Variants in UBXN4 observed in about 807,000 individuals in gnomAD.
UBXN4 encodes UBX domain-containing protein 4.
A neutral mutation model predicts 66.2 loss-of-function variants in UBXN4; 35 were observed. The ratio of observed to expected loss-of-function variants is 0.53; its 90% CI spans 0.40 to 0.70. UBXN4 has a LOEUF of 0.70. UBXN4 is among the 30% of genes least tolerant of loss of function. UBXN4 has a pLI of 0.00. For synonymous variants in UBXN4, 203 were observed against 204.5 expected, an observed-to-expected ratio of 0.99 and a Z score of 0.06; for missense variants, 533 against 599.8, an observed-to-expected ratio of 0.89 and a Z score of 1.16.
intron 6 of UBXN4, among the ~76,000 whole-genome samples, chr2:135,764,388 AGTCCTTC>A (rs1205453310): frequency 1.6e-4 from 24 of 152,232 alleles, no homozygotes; most frequent in Non-Finnish European, 3.4e-4. Flanking sequence ...ATAAGAACAT[AGTCCTTC>A]AATCTTGAGC....
intron 10 of UBXN4, among the ~76,000 whole-genome samples, chr2:135,778,174 CAAAAA>C (rs570595581): frequency 2.8e-5 from 2 of 72,400 alleles, no homozygotes; most frequent in African/African-American, 8.7e-5. Context: ...AAGACTGTCT[CAAAAA>C]AAAAAAAAAC....
rs144009729 is a variant in UBXN4, at chr2:135,743,107, G to A, written c.82+1096G>A. Among the ~76,000 whole-genome samples the A allele has an allele frequency of 4.6e-3, 705 of 152,164 alleles. 5 individuals carry two copies. Among genetic ancestry groups the A allele is most frequent in the African/African-American group, 0.016 (653 of 41,514 alleles). On this transcript the variant is annotated intron_variant, in intron 1 of 12. Coordinates refer to ENST00000272638, the MANE Select transcript of UBXN4 (RefSeq NM_014607.4). The stretch of plus-strand genomic sequence containing the variant: ...TCTTCAACTATTTGTGTTTAATAAC[G>A]GTTTATTCATAATTAACTCGTCTTT...
At chr2:135,761,139 C>T (rs367648542) in intron 5 of UBXN4, among the ~76,000 whole-genome samples, 67 of 152,212 alleles carry the variant, frequency 4.4e-4, no homozygotes, top group Admixed American at 1.6e-3. Flanking sequence ...AGTCCTTGTT[C>T]GCCAAAGACT....
rs1014100210 is a variant in UBXN4 at position 135,755,610 on chromosome 2, A to G, written c.427A>G (p.Thr143Ala). The change falls in exon 5 of 13, where the codon ACT becomes GCT. Residue 143 changes from threonine to alanine, a missense_variant. Thr to Ala is a moderately conservative substitution (Grantham distance 58). Coordinates refer to ENST00000272638, the MANE Select transcript of UBXN4 (RefSeq NM_014607.4). ...ATCTGCGTCATTTGAACCTAACAACACTTGTGAAAACTCTCAGTCCAGAAA... is the reference window on the plus strand; with the variant it reads ...ATCTGCGTCATTTGAACCTAACAACGCTTGTGAAAACTCTCAGTCCAGAAA... ...TPSASFEPNN[T>A]CENSQSRNAE... is the part of the protein sequence containing the mutation. The G allele has an allele frequency of 5.0e-6, 8 of 1,608,954 alleles. No homozygotes were observed. Among genetic ancestry groups the G allele is most frequent in the East Asian group, 2.2e-5 (1 of 44,582 alleles).
intron 5 of UBXN4, among the ~76,000 whole-genome samples, chr2:135,758,265 G>C (rs1575317400): frequency 6.6e-6 from 1 of 151,938 alleles, no homozygotes; most frequent in Non-Finnish European, 1.5e-5. Flanking sequence ...GTAGGGACGG[G>C]GTTTCTCCAT....
intron 8 of UBXN4, 127 bp from the exon 9 acceptor site, chr2:135,772,293 A>C: frequency 1.7e-6 from 2 of 1,150,024 alleles, no homozygotes; most frequent in Non-Finnish European, 2.4e-6. Flanking sequence ...ACTGCACTCC[A>C]GCCTTGATGA....
chr2:135,746,101 C>T (rs1399511485), intron 1 of UBXN4, among the ~76,000 whole-genome samples: 1 of 152,004 alleles, frequency 6.6e-6, no homozygotes, highest in African/African-American at 2.4e-5. Flanking sequence ...TGATCTAGAT[C>T]TCTTGACCTC....
In UBXN4 at chr2:135,784,593, T is replaced by G. The variant is rs1052453008; in HGVS notation, c.*1706T>G. The G allele has an allele frequency of 1.3e-5, 2 of 152,602 alleles. No homozygotes were observed. The highest frequency in any genetic ancestry group is 2.9e-5 in the Non-Finnish European group (2 of 68,032). 9.5% of individuals were successfully genotyped at this position (152,602 alleles called of 1,614,324 possible). On this transcript the variant is annotated 3_prime_UTR_variant, in exon 13 of 13. Transcript: ENST00000272638. ...GATATTATTTCCATAACTTAAAAAGTGAGTTTGAAAAAGAAAATCTCCAGC... is the reference window on the plus strand; with the variant it reads ...GATATTATTTCCATAACTTAAAAAGGGAGTTTGAAAAAGAAAATCTCCAGC...
At chr2:135,778,014 A>G (rs1462477230) in intron 10 of UBXN4, among the ~76,000 whole-genome samples, 1 of 151,102 alleles carries the variant, frequency 6.6e-6, no homozygotes, top group Non-Finnish European at 1.5e-5. Context: ...CGTCTCTACT[A>G]AAAATACAAA....
At position 135,783,017 on chromosome 2, in the gene UBXN4, A is replaced by G. The variant is rs2077459656; in HGVS notation, c.*130A>G. Reference sequence around the variant, plus strand: ...ATAAAATGTCTCTTTATTCCTGCTTAGTGGGTGTGGGTTGAAGGTGTTTAA... The same window carrying G: ...ATAAAATGTCTCTTTATTCCTGCTTGGTGGGTGTGGGTTGAAGGTGTTTAA... On this transcript the variant is annotated 3_prime_UTR_variant, in exon 13 of 13. Coordinates refer to ENST00000272638, the MANE Select transcript of UBXN4 (RefSeq NM_014607.4). 9 of 985,772 alleles carry G rather than the reference A, an allele frequency of 9.1e-6. No homozygotes were observed. The South Asian group carries it at 1.6e-4, about 18-fold the overall frequency. The allele number at this position is 985,772 out of a possible 1,614,324, so 61.1% of individuals were successfully genotyped here.
At chr2:135,782,133 A>C (rs752869713) in intron 12 of UBXN4, among the ~76,000 whole-genome samples, 1 of 152,184 alleles carries the variant, frequency 6.6e-6, no homozygotes, top group Non-Finnish European at 1.5e-5. Flanking sequence ...AGATTAGAGC[A>C]AAGGATGGAA....
chr2:135,776,421 C>G (rs2077415003), intron 10 of UBXN4, 70 bp downstream of exon 10: 1 of 1,367,256 alleles, frequency 7.3e-7, no homozygotes, highest in African/African-American at 1.4e-5. Context: ...GGGAAAATTT[C>G]AAAGCAGAAG....
At chr2:135,776,811 C>G (rs1300985540) in intron 10 of UBXN4, among the ~76,000 whole-genome samples, 1 of 152,188 alleles carries the variant, frequency 6.6e-6, no homozygotes, top group African/African-American at 2.4e-5. Context: ...CCGGGCTGGT[C>G]TTGAACTCCT....
chr2:135,743,619 G>GA (rs1474265885), intron 1 of UBXN4, among the ~76,000 whole-genome samples: 34 of 151,984 alleles, frequency 2.2e-4, no homozygotes, highest in African/African-American at 8.0e-4. Flanking sequence ...GTTTCTTAAG[G>GA]AAAAAACTGA....
chr2:135,765,125 T>C (rs533047711), intron 6 of UBXN4, among the ~76,000 whole-genome samples: 1 of 152,180 alleles, frequency 6.6e-6, no homozygotes, highest in African/African-American at 2.4e-5. Context: ...GGATATACAA[T>C]GTTTCACTAA....
chr2:135,778,906 C>T (rs1298093718), intron 10 of UBXN4, 42 bp from the exon 11 acceptor site: 1 of 1,553,226 alleles, frequency 6.4e-7, no homozygotes, highest in Non-Finnish European at 8.7e-7. Flanking sequence ...TAATATCTTA[C>T]TTTTAAAGGC....
In UBXN4 at chr2:135,773,057, A is replaced by T. The variant is rs1217720838; in HGVS notation, c.950+510A>T. Among the ~76,000 whole-genome samples the T allele has an allele frequency of 5.9e-5, 9 of 151,764 alleles. No homozygotes were observed. The South Asian group carries it at 1.9e-3, about 32-fold the overall frequency. On this transcript the variant is annotated intron_variant, in intron 9 of 12. Transcript: ENST00000272638. ...GTCCCCAAAAAAAAAAAAAAAAAAA[A>T]AGAGGGCCCAATAAATACCTGTTTT...
intron 5 of UBXN4, among the ~76,000 whole-genome samples, chr2:135,756,479 A>T (rs908455588): frequency 6.6e-6 from 1 of 152,156 alleles, no homozygotes; most frequent in African/African-American, 2.4e-5. Context: ...GTTAACATTA[A>T]TGCTGCCTTG....
chr2:135,744,192 A>G (rs1221737556), intron 1 of UBXN4, among the ~76,000 whole-genome samples: 1 of 152,230 alleles, frequency 6.6e-6, no homozygotes, highest in Non-Finnish European at 1.5e-5. Context: ...CTCAGTAATA[A>G]TATACCAACT....
Sources: gnomAD v4.1 joint callset for allele counts (sites outside exome capture counted in the v4.1 genomes callset) on GRCh38, gnomAD v4.1.1 for gene constraint, MANE v1.5 for transcripts, NCBI Gene and HGNC (gene_info 2026-07-23, HGNC 2026-07-21) for gene names.